The following CCDC50 variants were observed in gnomAD, a reference collection of about 807,000 sequenced individuals.
The protein encoded by CCDC50 is coiled-coil domain containing 50, also known as coiled-coil domain-containing protein 50.
In CCDC50, 54 loss-of-function variants were observed where a neutral mutation model predicts 70.2. The ratio of observed to expected loss-of-function variants is 0.77; its 90% CI spans 0.62 to 0.96. The LOEUF is 0.96. Among genes scored for constraint, CCDC50 ranks in the 50% least tolerant of loss-of-function variants. CCDC50 has a pLI of 0.00. For synonymous variants in CCDC50, 216 were observed against 198.8 expected (o/e 1.09, Z -0.73); for missense variants, 558 against 578.7 (o/e 0.96, Z 0.37).
At chr3:191,362,693 C>T (rs556699253) in intron 4 of CCDC50, among the ~76,000 whole-genome samples, 1 of 152,290 alleles carries the variant, frequency 6.6e-6, no homozygotes, top group Non-Finnish European at 1.5e-5. Context: ...TAGATATGAT[C>T]AGGGTCATCA....
At chr3:191,339,302 T>A (rs1309899367) in intron 1 of CCDC50, among the ~76,000 whole-genome samples, 9 of 152,336 alleles carry the variant, frequency 5.9e-5, no homozygotes. Context: ...TTAACACTGG[T>A]TAAAAATATG....
At chr3:191,387,093 C>T (rs769357967) in intron 10 of CCDC50, among the ~76,000 whole-genome samples, 1 of 152,150 alleles carries the variant, frequency 6.6e-6, no homozygotes, top group Non-Finnish European at 1.5e-5. Flanking sequence ...ATTAATTGCT[C>T]ACACATAATT....
At chr3:191,390,040 T>A (rs1371978605) in intron 11 of CCDC50, among the ~76,000 whole-genome samples, 1 of 151,900 alleles carries the variant, frequency 6.6e-6, no homozygotes, top group Non-Finnish European at 1.5e-5. Flanking sequence ...TCTGTATTTT[T>A]TTTGTAGAGA....
chr3:191,346,303 T>A (rs1490278406), intron 1 of CCDC50, among the ~76,000 whole-genome samples: 1 of 152,228 alleles, frequency 6.6e-6, no homozygotes, highest in African/African-American at 2.4e-5. Flanking sequence ...TTCGCCTTCA[T>A]GGAAGATGAA....
chr3:191,333,444 A>C (rs1382145840), intron 1 of CCDC50, among the ~76,000 whole-genome samples: 4 of 152,196 alleles, frequency 2.6e-5, no homozygotes, highest in East Asian at 3.8e-4. Flanking sequence ...CATGCACACT[A>C]GGCATCTAAA....
chr3:191,365,436 C>T (rs972874803), intron 4 of CCDC50, among the ~76,000 whole-genome samples: 1 of 151,978 alleles, frequency 6.6e-6, no homozygotes, highest in African/African-American at 2.4e-5. Context: ...AAAAATTTTC[C>T]TGTGTTTTAA....
At position 191,392,211 on chromosome 3, in the gene CCDC50, G is replaced by A. The variant is rs1713718610; in HGVS notation, c.*451G>A. On this transcript the variant is annotated 3_prime_UTR_variant, in exon 12 of 12. Transcript: ENST00000392455. ...TGATATTTTGAAGGACAGAGCCTTT[G>A]CTTTTTGTATTCTTTAAGAAAAGCA... 6.2e-6 allele frequency: 1 copy of A among 161,230 alleles called. No individual in the cohort carries two copies. Among genetic ancestry groups the A allele is most frequent in the Non-Finnish European group, 1.4e-5 (1 of 73,010 alleles). 10.0% of individuals were successfully genotyped at this position (161,230 alleles called of 1,614,324 possible).
At chr3:191,359,725 C>T (rs1339115025) in intron 3 of CCDC50, among the ~76,000 whole-genome samples, 1 of 152,124 alleles carries the variant, frequency 6.6e-6, no homozygotes, top group African/African-American at 2.4e-5. Context: ...TGTTATGAGG[C>T]TCAGTGTCAC....
Position 191,357,153 on chromosome 3 carries a change from G to A in CCDC50, c.112+3G>A. The A allele has an allele frequency of 6.2e-7, 1 of 1,610,726 alleles. No homozygotes were observed. The highest frequency in any genetic ancestry group is 8.5e-7 in the Non-Finnish European group (1 of 1,177,072). ...TCACAGCCTGCAGGAACAAGAGAGT[G>A]AGTAATACCTCTCATTTATGCTCCT... On this transcript the variant is annotated splice_donor_region_variant and intron_variant, in intron 2 of 11. Coordinates refer to ENST00000392455, the MANE Select transcript of CCDC50 (RefSeq NM_178335.3).
At chr3:191,356,020 G>GC (rs1661481343) in intron 1 of CCDC50, among the ~76,000 whole-genome samples, 1 of 152,162 alleles carries the variant, frequency 6.6e-6, no homozygotes, top group Non-Finnish European at 1.5e-5. Context: ...GTCCTCATAG[G>GC]CAAATCCAAA....
chr3:191,368,251 T>A (rs1376795183), intron 4 of CCDC50, among the ~76,000 whole-genome samples: 1 of 151,960 alleles, frequency 6.6e-6, no homozygotes, highest in Non-Finnish European at 1.5e-5. Context: ...AACTCAGAGT[T>A]CTATTCATGA....
chr3:191,389,946 C>T (rs1260515075), intron 11 of CCDC50, among the ~76,000 whole-genome samples: 1 of 149,392 alleles, frequency 6.7e-6, no homozygotes, highest in Non-Finnish European at 1.5e-5. Flanking sequence ...CTACAGCCTC[C>T]ACCACCTGGG....
chr3:191,370,044 T>C lies in CCDC50; in HGVS notation c.448+8T>C. 2.0e-6 allele frequency: 3 copies of C among 1,528,058 alleles called. No homozygotes were observed. The highest frequency in any genetic ancestry group is 1.8e-6 in the Non-Finnish European group (2 of 1,102,310). The allele number at this position is 1,528,058 out of a possible 1,614,324, so 94.7% of individuals were successfully genotyped here. A position where few individuals can be genotyped will look rare whatever the true frequency, so the allele number is the denominator to read the frequency against. On this transcript the variant is annotated splice_region_variant and intron_variant, in intron 5 of 11. Coordinates refer to ENST00000392455, the MANE Select transcript of CCDC50 (RefSeq NM_178335.3). Reference sequence around the variant, plus strand: ...ACTATTATGAAGATGGAGGTAACAATTCCTGCATCATGATCTATTCTATCC... The same window carrying C: ...ACTATTATGAAGATGGAGGTAACAACTCCTGCATCATGATCTATTCTATCC...
intron 1 of CCDC50, among the ~76,000 whole-genome samples, chr3:191,334,427 C>T (rs183675618): frequency 1.2e-3 from 180 of 152,226 alleles, no homozygotes; most frequent in African/African-American, 4.1e-3. Context: ...ACGACTCACA[C>T]GTGGGAAACC....
intron 9 of CCDC50, 87 bp from the exon 10 acceptor site, chr3:191,382,659 G>A (rs383529): frequency 8.1e-6 from 7 of 865,860 alleles, no homozygotes; most frequent in East Asian, 4.9e-5. Context: ...ATAAACATAC[G>A]TTAAACTTAA....
rs1713927995 is a variant in CCDC50 at position 191,398,307 on chromosome 3, A to G, written c.*6547A>G. 1 of 152,216 alleles carries G rather than the reference A, an allele frequency of 6.6e-6. No individual in the cohort carries two copies. The highest frequency in any genetic ancestry group is 1.5e-5 in the Non-Finnish European group (1 of 68,038). 9.4% of individuals were successfully genotyped at this position (152,216 alleles called of 1,614,324 possible). Reference sequence around the variant, plus strand: ...TTTAAACATCAGGTTTAATATTGATATTATGAATAATTTTTAAACCAAAGT... The same window carrying G: ...TTTAAACATCAGGTTTAATATTGATGTTATGAATAATTTTTAAACCAAAGT... On this transcript the variant is annotated 3_prime_UTR_variant, in exon 12 of 12. Coordinates refer to ENST00000392455, the MANE Select transcript of CCDC50 (RefSeq NM_178335.3).
intron 1 of CCDC50, among the ~76,000 whole-genome samples, chr3:191,356,415 C>T (rs1712283018): frequency 6.6e-6 from 1 of 152,194 alleles, no homozygotes; most frequent in East Asian, 1.9e-4. Flanking sequence ...TGGTTTCCTT[C>T]AGGGTTCCCA....
chr3:191,365,340 T>C (rs1216627363), intron 4 of CCDC50, among the ~76,000 whole-genome samples: 1 of 151,912 alleles, frequency 6.6e-6, no homozygotes, highest in Non-Finnish European at 1.5e-5. Flanking sequence ...TTTAAAAAGA[T>C]TAGAATTTCA....
rs2108668058 is a variant in CCDC50 at position 191,380,291 on chromosome 3, G to T, written c.1092+17G>T. On this transcript the variant is annotated intron_variant, in intron 7 of 11. Coordinates refer to ENST00000392455, the MANE Select transcript of CCDC50 (RefSeq NM_178335.3). ...GAACTTTTGGTGAGCAAATTTTAAG[G>T]CAAAAGTTTAGATATATTGATGGGT... 1 of 1,531,134 alleles carries T rather than the reference G, an allele frequency of 6.5e-7. No homozygotes were observed. The highest frequency in any genetic ancestry group is 1.4e-5 in the African/African-American group (1 of 73,196). The allele number at this position is 1,531,134 out of a possible 1,614,324, so 94.8% of individuals were successfully genotyped here. A position where few individuals can be genotyped will look rare whatever the true frequency, so the allele number is the denominator to read the frequency against.
Sources: allele counts gnomAD v4.1 joint callset (sites outside exome capture counted in the v4.1 genomes callset), GRCh38; gene constraint gnomAD v4.1.1; transcripts MANE v1.5; gene names NCBI Gene and HGNC (gene_info 2026-07-23, HGNC 2026-07-21).